Variants in NRXN3 observed in about 807,000 individuals in gnomAD.
NRXN3 encodes neurexin III.
Under a neutral mutation model 137.6 loss-of-function variants are expected in NRXN3, and 32 were observed. The observed-to-expected ratio is 0.23, with a 90% CI of 0.18 to 0.31. NRXN3 has a LOEUF of 0.31. Ranked by LOEUF, NRXN3 falls within the 10% of genes least tolerant of loss-of-function variation. The pLI is 1.00. For synonymous variants in NRXN3, 798 were observed against 784.5 expected (o/e 1.02, Z -0.29); for missense variants, 1,574 against 2,062.5 (o/e 0.76, Z 4.59).
chr14:79,558,710 T>A (rs2097457058), intron 16 of NRXN3, among the ~76,000 whole-genome samples: 1 of 152,082 alleles, frequency 6.6e-6, no homozygotes, highest in South Asian at 2.1e-4. Context: ...GCCCTAGGAT[T>A]TTGGGAATGG....
At chr14:79,150,813 A>C (rs2059733122) in intron 15 of NRXN3, among the ~76,000 whole-genome samples, 1 of 152,086 alleles carries the variant, frequency 6.6e-6, no homozygotes, top group Non-Finnish European at 1.5e-5. Flanking sequence ...TTTACTCAAA[A>C]ATCAAAATGA....
chr14:78,785,574 A>T (rs1567305830), intron 8 of NRXN3, among the ~76,000 whole-genome samples: 1 of 152,170 alleles, frequency 6.6e-6, no homozygotes, highest in Admixed American at 6.5e-5. Flanking sequence ...CCAGCCCTAT[A>T]AAACAGCTTT....
At chr14:78,441,083 C>T (rs1388002955) in intron 4 of NRXN3, among the ~76,000 whole-genome samples, 1 of 152,090 alleles carries the variant, frequency 6.6e-6, no homozygotes, top group Non-Finnish European at 1.5e-5. Flanking sequence ...ATTCCACAGT[C>T]AGGGGCAGAA....
intron 20 of NRXN3, among the ~76,000 whole-genome samples, chr14:79,851,048 G>A (rs2099390407): frequency 6.6e-6 from 1 of 152,122 alleles, no homozygotes; most frequent in Admixed American, 6.5e-5. Context: ...TTTAAAACAG[G>A]CAATTTTGGA....
rs138714886 is a variant in NRXN3, at chr14:78,544,796, A to C, written c.758-100324A>C. ...TTGCAATCTTCTTGGGAGGGTACACATGCATGACCTGCCAAATCTGAAATA... is the reference window on the plus strand; with the variant it reads ...TTGCAATCTTCTTGGGAGGGTACACCTGCATGACCTGCCAAATCTGAAATA... On this transcript the variant is annotated intron_variant, in intron 4 of 20. Coordinates refer to ENST00000335750, the MANE Select transcript of NRXN3 (RefSeq NM_001330195.2). 1.1e-4 allele frequency among the ~76,000 whole-genome samples: 17 copies of C among 152,314 alleles called. No individual in the cohort carries two copies. In the East Asian group the frequency reaches 2.9e-3, roughly 26 times the overall value.
chr14:78,977,904 C>G lies in NRXN3; in HGVS notation c.3142+9558C>G, dbSNP rs547286693. ...CATGTTACAAATCAGTTTTATTTTC[C>G]TTTTCCTGGGGTGCTGGTTGTTAAA... On this transcript the variant is annotated intron_variant, in intron 14 of 20. Coordinates refer to ENST00000335750, the MANE Select transcript of NRXN3 (RefSeq NM_001330195.2). Among the ~76,000 whole-genome samples, 3 of 152,150 alleles carry G rather than the reference C, an allele frequency of 2.0e-5. No individual in the cohort carries two copies. The South Asian group carries it at 6.2e-4, about 32-fold the overall frequency.
intron 7 of NRXN3, among the ~76,000 whole-genome samples, chr14:78,712,187 T>C (rs1489634439): frequency 2.6e-5 from 4 of 152,196 alleles, no homozygotes; most frequent in Admixed American, 6.5e-5. Context: ...CCCATTTTAG[T>C]TGGTGATCAG....
intron 18 of NRXN3, among the ~76,000 whole-genome samples, chr14:79,695,757 G>C (rs929850462): frequency 1.3e-5 from 2 of 151,900 alleles, no homozygotes; most frequent in African/African-American, 4.8e-5. Flanking sequence ...AGAGGACAGA[G>C]GACAAAATAC....
At chr14:78,586,600 A>G (rs1457557878) in intron 4 of NRXN3, among the ~76,000 whole-genome samples, 1 of 152,126 alleles carries the variant, frequency 6.6e-6, no homozygotes, top group Admixed American at 6.5e-5. Flanking sequence ...ACTGGAGACA[A>G]ATCAGGATGT....
chr14:79,421,330 A>T (rs1414805311), intron 15 of NRXN3, among the ~76,000 whole-genome samples: 1 of 152,178 alleles, frequency 6.6e-6, no homozygotes, highest in Non-Finnish European at 1.5e-5. Flanking sequence ...AATTTATGAG[A>T]AACTTTCTTC....
At chr14:79,494,733 C>T (rs1013631220) in intron 16 of NRXN3, among the ~76,000 whole-genome samples, 6 of 152,036 alleles carry the variant, frequency 3.9e-5, no homozygotes, top group Non-Finnish European at 1.5e-5. Context: ...TCTTTAAACC[C>T]TTCACTGAGC....
chr14:78,314,995 T>TCCTTCCTTCCTTTC lies in NRXN3; in HGVS notation c.757+17135_757+17136insCCTTCCTTCCTTTC, dbSNP rs1567236199. On this transcript the variant is annotated intron_variant, in intron 4 of 20. Transcript: ENST00000335750. ...CCTTCCTTCCTTCCTTCCTTTCTCT[T>TCCTTCCTTCCTTTC]TCTTTCTTTCTTTCTTTTCTTTTTA... Among the ~76,000 whole-genome samples the TCCTTCCTTCCTTTC allele has an allele frequency of 1.0e-3, 20 of 19,976 alleles. No individual in the cohort carries two copies. The East Asian group carries it at 0.011, about 11-fold the overall frequency. 13.1% of individuals were successfully genotyped at this position (19,976 alleles called of 152,430 possible).
intron 8 of NRXN3, among the ~76,000 whole-genome samples, chr14:78,770,180 A>T (rs768649871): frequency 6.6e-6 from 1 of 152,174 alleles, no homozygotes; most frequent in Non-Finnish European, 1.5e-5. Context: ...TTTGCAGATG[A>T]GTAAACTGTG....
Position 78,415,082 on chromosome 14 carries a change from G to T in NRXN3, c.757+117222G>T, listed in dbSNP as rs1598403063. On this transcript the variant is annotated intron_variant, in intron 4 of 20. Transcript: ENST00000335750. ...AAAGGAGAGTAAAAACCCAGGCTTT[G>T]GATACAGACAGACTTGAGAAACAGC... Among the ~76,000 whole-genome samples, 3 of 152,214 alleles carry T rather than the reference G, an allele frequency of 2.0e-5. No homozygotes were observed. The South Asian group carries it at 6.2e-4, about 32-fold the overall frequency.
chr14:78,425,346 G>C (rs539975292), intron 4 of NRXN3, among the ~76,000 whole-genome samples: 1 of 152,294 alleles, frequency 6.6e-6, no homozygotes, highest in South Asian at 2.1e-4. Flanking sequence ...TTTAGCTGAG[G>C]TCCTGTGGCA....
intron 15 of NRXN3, among the ~76,000 whole-genome samples, chr14:79,395,610 C>T (rs2094995244): frequency 6.6e-6 from 1 of 151,626 alleles, no homozygotes; most frequent in African/African-American, 2.4e-5. Context: ...AGATCAAGGC[C>T]ATCCTGGCTA....
chr14:79,147,349 A>C (rs1430990549), intron 15 of NRXN3, among the ~76,000 whole-genome samples: 1 of 152,142 alleles, frequency 6.6e-6, no homozygotes, highest in Admixed American at 6.6e-5. Context: ...CTGTTGACAA[A>C]TGAGGAATAA....
chr14:79,512,808 G>A (rs1200943061), intron 16 of NRXN3, among the ~76,000 whole-genome samples: 1 of 152,116 alleles, frequency 6.6e-6, no homozygotes, highest in Non-Finnish European at 1.5e-5. Flanking sequence ...GTCTCTTCTA[G>A]AATGAAAGCT....
At chr14:79,662,892 C>A (rs1226186960) in intron 16 of NRXN3, among the ~76,000 whole-genome samples, 1 of 152,100 alleles carries the variant, frequency 6.6e-6, no homozygotes, top group Non-Finnish European at 1.5e-5. Flanking sequence ...CACCTCCCAC[C>A]AGGCCCCATC....
Sources: allele counts gnomAD v4.1 joint callset (sites outside exome capture counted in the v4.1 genomes callset), GRCh38; gene constraint gnomAD v4.1.1; transcripts MANE v1.5; gene names NCBI Gene and HGNC (gene_info 2026-07-23, HGNC 2026-07-21).